The following MPPED1 variants were observed in gnomAD, a reference collection of about 807,000 sequenced individuals.
MPPED1 encodes the protein metallophosphoesterase domain-containing protein 1.
Under a neutral mutation model 36.2 loss-of-function variants are expected in MPPED1, and 16 were observed. That is an observed-to-expected ratio of 0.44 (90% CI 0.30 to 0.67). MPPED1 has a LOEUF of 0.67. Ranked by LOEUF, MPPED1 falls within the 30% of genes least tolerant of loss-of-function variation. The pLI is 0.10. For missense variants in MPPED1, 307 were observed against 453.4 expected (o/e 0.68, Z 2.93); for synonymous variants, 199 against 191.3 (o/e 1.04, Z -0.33).
intron 4 of MPPED1, among the ~76,000 whole-genome samples, chr22:43,488,211 C>T (rs188788659): frequency 2.6e-5 from 4 of 152,228 alleles, no homozygotes; most frequent in East Asian, 1.9e-4. Context: ...CCTCATGCCC[C>T]GGCCCGGGTG....
chr22:43,438,036 T>C (rs996750401), intron 3 of MPPED1, among the ~76,000 whole-genome samples: 2 of 152,174 alleles, frequency 1.3e-5, no homozygotes, highest in African/African-American at 2.4e-5. Flanking sequence ...ATCCTATTGC[T>C]GAGCCTCACT....
At chr22:43,454,329 C>T (rs1930679666) in intron 3 of MPPED1, among the ~76,000 whole-genome samples, 1 of 151,966 alleles carries the variant, frequency 6.6e-6, no homozygotes, top group Admixed American at 6.6e-5. Flanking sequence ...TTTTTAGAGA[C>T]AGGATCTCAC....
chr22:43,500,438 GGAGGT>G (rs1932696974), intron 5 of MPPED1, among the ~76,000 whole-genome samples: 1 of 150,786 alleles, frequency 6.6e-6, no homozygotes, highest in Non-Finnish European at 1.5e-5. Flanking sequence ...AGGTGGTGGT[GGAGGT>G]GGTGACGGAG....
chr22:43,428,610 G>A (rs186781877), intron 2 of MPPED1, among the ~76,000 whole-genome samples: 2 of 152,154 alleles, frequency 1.3e-5, no homozygotes, highest in African/African-American at 4.8e-5. Context: ...GTGAGGGAGC[G>A]ATGGAGCCTT....
At position 43,424,445 on chromosome 22, in the gene MPPED1, T is replaced by C. The variant is rs527470127; in HGVS notation, c.-78-463T>C. On this transcript the variant is annotated intron_variant, in intron 1 of 6. Transcript: ENST00000443721. ...GGGTGTGGGCGTGGGGCCATGTGGGTGTGTTTGGGGGTCTGTGGAGGATGG... is the reference window on the plus strand; with the variant it reads ...GGGTGTGGGCGTGGGGCCATGTGGGCGTGTTTGGGGGTCTGTGGAGGATGG... Among the ~76,000 whole-genome samples, 57 of 152,064 alleles carry C rather than the reference T, an allele frequency of 3.7e-4. 2 individuals are homozygous for C. In the South Asian group the frequency reaches 0.012, roughly 32 times the overall value.
chr22:43,465,092 T>C (rs907068329), intron 3 of MPPED1, among the ~76,000 whole-genome samples: 5 of 152,306 alleles, frequency 3.3e-5, no homozygotes, highest in African/African-American at 1.2e-4. Context: ...CACGTCTTCA[T>C]GGAACAGATG....
intron 4 of MPPED1, among the ~76,000 whole-genome samples, chr22:43,475,710 ATGGTGG>A (rs1931544516): frequency 9.9e-6 from 1 of 101,150 alleles, no homozygotes; most frequent in South Asian, 3.8e-4. Context: ...GGTGGTGATG[ATGGTGG>A]TGATGGTGAT....
chr22:43,441,623 G>T (rs1047189913), intron 3 of MPPED1, among the ~76,000 whole-genome samples: 7 of 152,228 alleles, frequency 4.6e-5, no homozygotes, highest in Non-Finnish European at 7.3e-5. Flanking sequence ...TGGTAATGGA[G>T]TATTTAGAAG....
At chr22:43,487,189 C>T (rs1053366416) in intron 4 of MPPED1, among the ~76,000 whole-genome samples, 2 of 152,138 alleles carry the variant, frequency 1.3e-5, no homozygotes, top group African/African-American at 4.8e-5. Flanking sequence ...GAGGGGACAC[C>T]TGTGCTGGGG....
chr22:43,431,187 G>A (rs578251366), intron 2 of MPPED1, among the ~76,000 whole-genome samples: 5 of 151,428 alleles, frequency 3.3e-5, no homozygotes, highest in Admixed American at 6.6e-5. Flanking sequence ...CACTACAGGC[G>A]CCTGCCACCA....
intron 4 of MPPED1, among the ~76,000 whole-genome samples, chr22:43,487,497 C>A (rs1931949803): frequency 6.6e-6 from 1 of 152,160 alleles, no homozygotes; most frequent in African/African-American, 2.4e-5. Context: ...GTCCTGGAAG[C>A]AGCAGGGAGC....
At chr22:43,433,609 C>G (rs545420993) in intron 2 of MPPED1, among the ~76,000 whole-genome samples, 1 of 151,066 alleles carries the variant, frequency 6.6e-6, no homozygotes, top group Non-Finnish European at 1.5e-5. Flanking sequence ...GCCCCGGGTG[C>G]GCGCTCCCGC....
At chr22:43,460,587 C>T (rs894878973) in intron 3 of MPPED1, among the ~76,000 whole-genome samples, 5 of 152,128 alleles carry the variant, frequency 3.3e-5, no homozygotes, top group African/African-American at 1.2e-4. Flanking sequence ...TAGTGAATGT[C>T]CTGGAAACTC....
intron 2 of MPPED1, among the ~76,000 whole-genome samples, chr22:43,432,654 A>AG (rs1929769636): frequency 1.2e-3 from 1 of 808 alleles, no homozygotes; most frequent in African/African-American, 6.3e-3. Flanking sequence ...GGAAAGAGAA[A>AG]GGGAGGAGAG....
intron 3 of MPPED1, among the ~76,000 whole-genome samples, chr22:43,458,475 G>A (rs907708971): frequency 5.3e-5 from 8 of 151,948 alleles, no homozygotes; most frequent in Non-Finnish European, 1.2e-4. Flanking sequence ...TAGTAGAGAC[G>A]GGGTTTCACC....
At chr22:43,465,135 C>T (rs940457470) in intron 3 of MPPED1, among the ~76,000 whole-genome samples, 6 of 152,234 alleles carry the variant, frequency 3.9e-5, no homozygotes, top group African/African-American at 1.4e-4. Context: ...GGAAAGGCCT[C>T]ACTATCCCAG....
Position 43,478,123 on chromosome 22 carries a change from C to T in MPPED1, c.632+3162C>T, listed in dbSNP as rs74794810. On this transcript the variant is annotated intron_variant, in intron 4 of 6. Coordinates refer to ENST00000443721, the MANE Select transcript of MPPED1 (RefSeq NM_001044370.2). Reference sequence around the variant, plus strand: ...AGGCAGGGATGTGGCTTGTCCAGGGCACCCGCGGGGTGGCCCTTCAGGCTG... The same window carrying T: ...AGGCAGGGATGTGGCTTGTCCAGGGTACCCGCGGGGTGGCCCTTCAGGCTG... 1.4e-4 allele frequency among the ~76,000 whole-genome samples: 21 copies of T among 152,330 alleles called. No individual in the cohort carries two copies. The East Asian group carries it at 3.1e-3, about 22-fold the overall frequency.
At chr22:43,431,433 T>C (rs1464096669) in intron 2 of MPPED1, among the ~76,000 whole-genome samples, 1 of 152,052 alleles carries the variant, frequency 6.6e-6, no homozygotes, top group Admixed American at 6.6e-5. Context: ...CCTCTGTGGG[T>C]GTCCCACCCA....
At chr22:43,465,048 T>C (rs1363527621) in intron 3 of MPPED1, among the ~76,000 whole-genome samples, 2 of 152,094 alleles carry the variant, frequency 1.3e-5, no homozygotes, top group African/African-American at 4.8e-5. Context: ...TCTCAGAGAA[T>C]TGAAAGAGCT....
Sources: allele counts gnomAD v4.1 joint callset (sites outside exome capture counted in the v4.1 genomes callset), GRCh38; gene constraint gnomAD v4.1.1; transcripts MANE v1.5; gene names NCBI Gene and HGNC (gene_info 2026-07-23, HGNC 2026-07-21).